The following LARS1 variants were observed in gnomAD, a reference collection of about 807,000 sequenced individuals.
LARS1 encodes the protein leucyl-tRNA synthetase 1.
A neutral mutation model predicts 162.8 loss-of-function variants in LARS1; 100 were observed. The ratio of observed to expected loss-of-function variants is 0.61; its 90% CI spans 0.52 to 0.73. The LOEUF (loss-of-function observed/expected upper bound fraction) is 0.73. Among genes scored for constraint, LARS1 ranks in the 30% least tolerant of loss-of-function variants. The pLI, the probability that LARS1 is intolerant of heterozygous loss-of-function variation, is 0.00. For synonymous variants in LARS1, 457 were observed against 462.8 expected (o/e 0.99, Z 0.16); for missense variants, 1,258 against 1,408.9 (o/e 0.89, Z 1.71).
chr5:146,122,206 C>G (rs565079070), intron 30 of LARS1, among the ~76,000 whole-genome samples: 1 of 152,040 alleles, frequency 6.6e-6, no homozygotes, highest in East Asian at 1.9e-4. Context: ...TAAATAAAAA[C>G]CAGATTTTGA....
chr5:146,172,153 G>A (rs539630627), intron 3 of LARS1, among the ~76,000 whole-genome samples, 163 bp from the exon 4 acceptor site: 4 of 152,220 alleles, frequency 2.6e-5, no homozygotes, highest in African/African-American at 9.6e-5. Context: ...AATTACTTTT[G>A]AATATGCATA....
At chr5:146,116,355 C>G (rs1764209840) in intron 31 of LARS1, among the ~76,000 whole-genome samples, 1 of 151,998 alleles carries the variant, frequency 6.6e-6, no homozygotes, top group Non-Finnish European at 1.5e-5. Context: ...CTGCCTCTTT[C>G]TCTCTCATAC....
intron 13 of LARS1, 88 bp from the exon 14 acceptor site, chr5:146,152,090 T>TTAAGTCATTTCAGATTGTA: frequency 7.2e-7 from 1 of 1,389,152 alleles, no homozygotes; most frequent in South Asian, 1.2e-5. Flanking sequence ...TAATGTCCAA[T>TTAAGTCATTTCAGATTGTA]TAAGTCATTT....
At chr5:146,131,298 C>T (rs1025807536) in intron 23 of LARS1, 189 bp from the exon 24 acceptor site, 8 of 410,188 alleles carry the variant, frequency 2.0e-5, no homozygotes, top group East Asian at 7.8e-5. Flanking sequence ...ACCATCTTTG[C>T]GTTCCTTAAA....
At position 146,143,453 on chromosome 5, in the gene LARS1, C is replaced by G; in HGVS notation, c.1836G>C (p.Gly612=). The change falls in exon 19 of 32, where the codon GGG becomes GGC. Residue 612 remains glycine, a synonymous_variant. Transcript: ENST00000394434. Reference sequence around the variant, plus strand: ...ACTCTGCCTGTCCATGCAAGTTACCCCCCTGCAATAGGTGTGCAACTGTGT... The same window carrying G: ...ACTCTGCCTGTCCATGCAAGTTACCGCCCTGCAATAGGTGTGCAACTGTGT... The part of the protein sequence containing the change: ...AFYTVAHLLQ[G]GNLHGQAESP... The G allele has an allele frequency of 6.2e-7, 1 of 1,613,844 alleles. No individual in the cohort carries two copies. The highest frequency in any genetic ancestry group is 8.5e-7 in the Non-Finnish European group (1 of 1,179,806).
chr5:146,167,780 C>T (rs184291911), intron 5 of LARS1, among the ~76,000 whole-genome samples: 4,173 of 148,818 alleles, frequency 0.028, 65 homozygotes, highest in Non-Finnish European at 0.04. Context: ...CCGCCCGCCT[C>T]GGCCTCCCCA....
In LARS1 at chr5:146,113,895, C is replaced by A. The variant is rs1424135154; in HGVS notation, c.*211G>T. ...AAAAAGAGTTTGGCAAAAACCATTT[C>A]TCTTGGACACCCAAAGAAAGGGAAA... On this transcript the variant is annotated 3_prime_UTR_variant, in exon 32 of 32. Transcript: ENST00000394434. 1.9e-6 allele frequency: 1 copy of A among 532,434 alleles called. No homozygotes were observed. The allele number at this position is 532,434 out of a possible 1,614,324, so 33.0% of individuals were successfully genotyped here. A position where few individuals can be genotyped will look rare whatever the true frequency, so the allele number is the denominator to read the frequency against.
In LARS1 at chr5:146,149,682, T is replaced by A. The variant is rs756908193; in HGVS notation, c.1443A>T (p.Gly481=). The part of the protein sequence containing the change: ...GFYEGIMLVD[G]FKGQKVQDVK... ...CATCTTGAACCTTCTGTCCTTTAAA[T>A]CCATCCACCAACATGATCTAAAAGG... Residue 481 remains glycine, a synonymous_variant, in exon 15 of 32, where the codon GGA becomes GGT. Transcript: ENST00000394434. The A allele has an allele frequency of 2.5e-6, 4 of 1,611,580 alleles. No homozygotes were observed. The highest frequency in any genetic ancestry group is 2.7e-5 in the African/African-American group (2 of 74,958).
At chr5:146,164,146 C>T (rs1753898765) in intron 6 of LARS1, among the ~76,000 whole-genome samples, 164 bp downstream of exon 6, 3 of 152,082 alleles carry the variant, frequency 2.0e-5, no homozygotes, top group Admixed American at 2.0e-4. Context: ...ATGAAGTAAG[C>T]AAATGCTGTT....
chr5:146,122,765 C>T (rs539106155), intron 29 of LARS1, among the ~76,000 whole-genome samples, 178 bp from the exon 30 acceptor site: 18 of 152,008 alleles, frequency 1.2e-4, no homozygotes, highest in African/African-American at 4.1e-4. Context: ...ATTTAACATT[C>T]GTTTTAGATG....
In LARS1 at chr5:146,142,993, G is replaced by A; in HGVS notation, c.1969C>T (p.Gln657Ter). ...KTQIAKEKLD[Q>*]LKQEFEFWYP... Reference sequence around the variant, plus strand: ...CAGAATTCAAACTCCTGCTTTAACTGATCTAATTTTTCCTTTGCAATCTGA... The same window carrying A: ...CAGAATTCAAACTCCTGCTTTAACTAATCTAATTTTTCCTTTGCAATCTGA... Residue 657 changes from glutamine (Q) to a stop codon, truncating the protein, a stop_gained, in exon 20 of 32, where the codon CAG becomes TAG. Coordinates refer to ENST00000394434, the MANE Select transcript of LARS1 (RefSeq NM_020117.11). LOFTEE classifies it high-confidence loss of function. 6.2e-7 allele frequency: 1 copy of A among 1,613,758 alleles called. No homozygotes were observed. The highest frequency in any genetic ancestry group is 8.5e-7 in the Non-Finnish European group (1 of 1,179,722).
intron 5 of LARS1, among the ~76,000 whole-genome samples, chr5:146,164,935 G>A (rs775238308): frequency 2.4e-4 from 37 of 152,154 alleles, no homozygotes; most frequent in Non-Finnish European, 4.7e-4. Flanking sequence ...ACTATAATGA[G>A]GCAGCATAAG....
At chr5:146,141,564 G>A (rs1299188480) in intron 20 of LARS1, among the ~76,000 whole-genome samples, 1 of 152,098 alleles carries the variant, frequency 6.6e-6, no homozygotes, top group African/African-American at 2.4e-5. Flanking sequence ...AGTACTTTGG[G>A]AGGCCAAGAC....
chr5:146,143,226 A>C, intron 19 of LARS1, 142 bp from the exon 20 acceptor site: 1 of 831,366 alleles, frequency 1.2e-6, no homozygotes, highest in Non-Finnish European at 1.8e-6. Flanking sequence ...AGCTTCCATA[A>C]GAATGAAGAA....
At chr5:146,162,724 T>C (rs1169960599) in intron 6 of LARS1, among the ~76,000 whole-genome samples, 1 of 152,250 alleles carries the variant, frequency 6.6e-6, no homozygotes, top group African/African-American at 2.4e-5. Context: ...AGCTGTTTTG[T>C]CTACATAGAA....
intron 4 of LARS1, among the ~76,000 whole-genome samples, chr5:146,170,847 G>A (rs1278369200): frequency 1.3e-5 from 2 of 148,258 alleles, no homozygotes; most frequent in Non-Finnish European, 3.0e-5. Context: ...GTACAACACT[G>A]CACTCCAGCC....
chr5:146,151,954 T>G lies in LARS1; in HGVS notation c.1333A>C (p.Ile445Leu), dbSNP rs538815700. The G allele has an allele frequency of 1.9e-6, 3 of 1,614,122 alleles. No homozygotes were observed. In the East Asian group the frequency reaches 6.7e-5, roughly 36 times the overall value. ...PGFGNLSAVT[I>L]CDELKIQSQN... ...CTCTGAATTTTCAACTCATCACAAA[T>G]GGTTACAGCAGAAAGATTTCCAAAA... The change falls in exon 14 of 32, where the codon ATT (isoleucine) becomes CTT (leucine). Residue 445 changes from isoleucine (I) to leucine (L), a missense_variant. Transcript: ENST00000394434.
chr5:146,113,218 C>A lies in LARS1; in HGVS notation c.*888G>T, dbSNP rs1177018919. The A allele has an allele frequency of 1.3e-5, 2 of 152,270 alleles. No homozygotes were observed. Among genetic ancestry groups the A allele is most frequent in the Non-Finnish European group, 1.5e-5 (1 of 68,148 alleles). The allele number at this position is 152,270 out of a possible 1,614,324, so 9.4% of individuals were successfully genotyped here. On this transcript the variant is annotated 3_prime_UTR_variant, in exon 32 of 32. Coordinates refer to ENST00000394434, the MANE Select transcript of LARS1 (RefSeq NM_020117.11). ...CAGCTGGGATTACAGGTACCCGCCACCATGCCAAGCTAATTTTTGTATTTT... is the reference window on the plus strand; with the variant it reads ...CAGCTGGGATTACAGGTACCCGCCAACATGCCAAGCTAATTTTTGTATTTT...
chr5:146,149,690 C>T lies in LARS1; in HGVS notation c.1435G>A (p.Val479Met), dbSNP rs200312385. ...LKGFYEGIML[V>M]DGFKGQKVQD... ...ACCTTCTGTCCTTTAAATCCATCCA[C>T]CAACATGATCTAAAAGGATGAGAGG... is the stretch of plus-strand genomic sequence containing the variant. The change falls in exon 15 of 32, where the codon GTG becomes ATG. Residue 479 changes from valine (V) to methionine (M), a missense_variant. By Grantham distance (21) the Val-to-Met change is conservative. Transcript: ENST00000394434. 1.9e-6 allele frequency: 3 copies of T among 1,610,014 alleles called. No homozygotes were observed. The highest frequency in any genetic ancestry group is 2.2e-5 in the East Asian group (1 of 44,806).
Sources: allele counts gnomAD v4.1 joint callset (sites outside exome capture counted in the v4.1 genomes callset), GRCh38; gene constraint gnomAD v4.1.1; transcripts MANE v1.5; gene names NCBI Gene and HGNC (gene_info 2026-07-23, HGNC 2026-07-21).